Variants in GRIN2A observed in about 807,000 individuals in gnomAD.
GRIN2A encodes glutamate receptor ionotropic, NMDA 2A.
GRIN2A carries 22 observed loss-of-function variants against 113.4 expected under a neutral mutation model. The ratio of observed to expected loss-of-function variants is 0.19; its 90% CI spans 0.14 to 0.28. GRIN2A has a LOEUF of 0.28. GRIN2A is among the 10% of genes least tolerant of loss of function. The pLI is 1.00. For missense variants in GRIN2A, 1,502 were observed against 1,887.0 expected, an observed-to-expected ratio of 0.80 and a Z score of 3.78; for synonymous variants, 827 against 738.4, an observed-to-expected ratio of 1.12 and a Z score of -1.94.
intron 2 of GRIN2A, among the ~76,000 whole-genome samples, chr16:10,150,865 G>C (rs1052647259): frequency 1.2e-4 from 18 of 152,106 alleles, no homozygotes; most frequent in African/African-American, 9.7e-5. Flanking sequence ...TCTCTGAAAG[G>C]TAAACTTCCT....
intron 2 of GRIN2A, among the ~76,000 whole-genome samples, chr16:9,955,098 C>T (rs183879742): frequency 2.5e-4 from 38 of 152,186 alleles, no homozygotes; most frequent in African/African-American, 7.0e-4. Context: ...TGAGTCAAGG[C>T]GAGGGTTTCA....
chr16:10,071,178 C>T (rs1423822367), intron 2 of GRIN2A, among the ~76,000 whole-genome samples: 1 of 152,150 alleles, frequency 6.6e-6, no homozygotes, highest in Non-Finnish European at 1.5e-5. Context: ...AATACTGTTG[C>T]ATGGAAATTT....
intron 11 of GRIN2A, among the ~76,000 whole-genome samples, chr16:9,778,793 G>A (rs1901763494): frequency 6.6e-6 from 1 of 152,220 alleles, no homozygotes; most frequent in African/African-American, 2.4e-5. Context: ...TGCAGCTCTT[G>A]TCTGACCCAT....
chr16:9,853,466 C>A (rs1324352467), intron 4 of GRIN2A, among the ~76,000 whole-genome samples: 2 of 152,140 alleles, frequency 1.3e-5, no homozygotes, highest in Non-Finnish European at 2.9e-5. Flanking sequence ...AGATTGCTGT[C>A]TATGAACCAG....
chr16:9,864,209 C>G (rs2043122336), intron 4 of GRIN2A, among the ~76,000 whole-genome samples: 1 of 152,128 alleles, frequency 6.6e-6, no homozygotes, highest in Non-Finnish European at 1.5e-5. Flanking sequence ...GCAGAGTAAA[C>G]AGCTCTTTTG....
intron 3 of GRIN2A, among the ~76,000 whole-genome samples, chr16:9,936,149 G>T (rs2044709838): frequency 6.6e-6 from 1 of 152,168 alleles, no homozygotes; most frequent in African/African-American, 2.4e-5. Flanking sequence ...GGTCCTCAAA[G>T]CACAGCCCCT....
At chr16:9,935,902 A>T (rs546757538) in intron 3 of GRIN2A, among the ~76,000 whole-genome samples, 10 of 151,960 alleles carry the variant, frequency 6.6e-5, no homozygotes, top group Non-Finnish European at 1.5e-4. Context: ...GGGTTTCACC[A>T]TGTTGACCAG....
At chr16:9,892,501 T>C (rs74008864) in intron 3 of GRIN2A, among the ~76,000 whole-genome samples, 3,116 of 152,212 alleles carry the variant, frequency 0.02, 105 homozygotes, top group African/African-American at 0.071. Context: ...AGGAGGTATT[T>C]AGTGAAAGAT....
In GRIN2A at chr16:10,034,236, G is replaced by A. The variant is rs529352201; in HGVS notation, c.415-95685C>T. Among the ~76,000 whole-genome samples, 8 of 152,124 alleles carry A rather than the reference G, an allele frequency of 5.3e-5. No individual in the cohort carries two copies. In the South Asian group the frequency reaches 1.5e-3, roughly 28 times the overall value. ...AAGCTTAGCAACTTGGGGCAAAACTGGCTCAGGGCCGGGCATGGTGGCTCA... is the reference window on the plus strand; with the variant it reads ...AAGCTTAGCAACTTGGGGCAAAACTAGCTCAGGGCCGGGCATGGTGGCTCA... On this transcript the variant is annotated intron_variant, in intron 2 of 12. Transcript: ENST00000330684.
intron 3 of GRIN2A, among the ~76,000 whole-genome samples, chr16:9,935,393 A>G (rs1410940927): frequency 5.3e-5 from 8 of 152,158 alleles, no homozygotes; most frequent in Non-Finnish European, 8.8e-5. Context: ...TAGAAACAGG[A>G]TTACTAAAGA....
At chr16:10,081,450 GA>G (rs2047981010) in intron 2 of GRIN2A, among the ~76,000 whole-genome samples, 1 of 152,202 alleles carries the variant, frequency 6.6e-6, no homozygotes, top group Non-Finnish European at 1.5e-5. Context: ...CTTTGTTTAT[GA>G]AAAAGTGTCT....
At chr16:9,857,184 A>C (rs949252458) in intron 4 of GRIN2A, among the ~76,000 whole-genome samples, 8 of 152,236 alleles carry the variant, frequency 5.3e-5, no homozygotes, top group African/African-American at 1.4e-4. Context: ...AGTCAAGAGG[A>C]GCCTAAGGCA....
intron 2 of GRIN2A, among the ~76,000 whole-genome samples, chr16:10,106,020 T>C (rs1019127342): frequency 2.6e-5 from 4 of 152,234 alleles, no homozygotes; most frequent in African/African-American, 9.6e-5. Flanking sequence ...ATGTACAGTA[T>C]AGCCTGCCAG....
chr16:9,781,428 A>G (rs1297261896), intron 11 of GRIN2A, among the ~76,000 whole-genome samples: 1 of 152,136 alleles, frequency 6.6e-6, no homozygotes, highest in Non-Finnish European at 1.5e-5. Context: ...TGGAAGGAAC[A>G]CTGCTCTCTG....
In GRIN2A at chr16:9,834,250, G is replaced by A. The variant is rs1358690928; in HGVS notation, c.1652-20C>T. The A allele has an allele frequency of 1.2e-6, 2 of 1,613,452 alleles. No homozygotes were observed. The highest frequency in any genetic ancestry group is 1.7e-6 in the Non-Finnish European group (2 of 1,179,528). On this transcript the variant is annotated intron_variant, in intron 7 of 12. Coordinates refer to ENST00000330684, the MANE Select transcript of GRIN2A (RefSeq NM_001134407.3). ...ATGGTTCTGCAAATAAACAGATAAA[G>A]GAATGGAAACGTGGTTAGTTATCTC... is the stretch of plus-strand genomic sequence containing the variant.
At chr16:10,089,574 G>C (rs563042256) in intron 2 of GRIN2A, among the ~76,000 whole-genome samples, 1 of 152,150 alleles carries the variant, frequency 6.6e-6, no homozygotes, top group Non-Finnish European at 1.5e-5. Flanking sequence ...AGAATTATGA[G>C]AGAGTTTGGG....
intron 2 of GRIN2A, among the ~76,000 whole-genome samples, chr16:10,027,144 T>A (rs1432987870): frequency 6.6e-6 from 1 of 152,168 alleles, no homozygotes; most frequent in African/African-American, 2.4e-5. Flanking sequence ...GCACAGCCCA[T>A]TGAAGGCTCA....
intron 2 of GRIN2A, among the ~76,000 whole-genome samples, chr16:10,143,922 C>T (rs375368942): frequency 1.1e-4 from 16 of 152,050 alleles, no homozygotes; most frequent in African/African-American, 2.2e-4. Flanking sequence ...GCCACTATCA[C>T]GCCACTGTAT....
rs34065010 is a variant in GRIN2A, at chr16:10,127,227, G to GAA, written c.414+52769_414+52770dup. On this transcript the variant is annotated intron_variant, in intron 2 of 12. Coordinates refer to ENST00000330684, the MANE Select transcript of GRIN2A (RefSeq NM_001134407.3). Reference sequence around the variant, plus strand: ...AGCCTGGCAACAGAGATTCAGTCTTGAAAAAAAAAAAAATCCACCTGCCTT... The same window carrying GAA: ...AGCCTGGCAACAGAGATTCAGTCTTGAAAAAAAAAAAAAAATCCACCTGCCTT... Among the ~76,000 whole-genome samples, 572 of 145,996 alleles carry GAA rather than the reference G, an allele frequency of 3.9e-3. 4 individuals are homozygous for GAA. The highest frequency in any genetic ancestry group is 0.014 in the African/African-American group (551 of 39,640).
Sources: allele counts gnomAD v4.1 joint callset (sites outside exome capture counted in the v4.1 genomes callset), GRCh38; gene constraint gnomAD v4.1.1; transcripts MANE v1.5; gene names NCBI Gene and HGNC (gene_info 2026-07-23, HGNC 2026-07-21).